FER: variants seen among roughly 807,000 people sequenced by gnomAD.
The protein encoded by FER is tyrosine-protein kinase Fer.
Under a neutral mutation model 111.0 loss-of-function variants are expected in FER, and 63 were observed. The observed-to-expected ratio is 0.57, with a 90% confidence interval of 0.46 to 0.70. The LOEUF is 0.70. Ranked by LOEUF, FER falls within the 30% of genes least tolerant of loss-of-function variation. The pLI is 0.00. For missense variants in FER, 914 were observed against 954.0 expected (o/e 0.96, Z 0.55); for synonymous variants, 327 against 313.9 (o/e 1.04, Z -0.44).
At chr5:109,016,850 T>C (rs77360802) in intron 13 of FER, among the ~76,000 whole-genome samples, 2,480 of 152,004 alleles carry the variant, frequency 0.016, 43 homozygotes, top group Middle Eastern at 0.024. Flanking sequence ...TTTTAGGAGG[T>C]AATTAAGGTT....
chr5:109,171,117 A>G (rs1757051293), intron 17 of FER, among the ~76,000 whole-genome samples: 2 of 152,308 alleles, frequency 1.3e-5, no homozygotes, highest in East Asian at 1.9e-4. Flanking sequence ...ACTTCAAAAC[A>G]TTGTCAAATT....
intron 17 of FER, among the ~76,000 whole-genome samples, chr5:109,136,191 G>A (rs1464888640): frequency 1.3e-5 from 2 of 152,072 alleles, no homozygotes; most frequent in East Asian, 1.9e-4. Flanking sequence ...TACTTGGGAG[G>A]CTGAGGTGGG....
chr5:108,891,431 A>G (rs1267487834), intron 9 of FER: 1 of 152,030 alleles, frequency 6.6e-6, no homozygotes, highest in Non-Finnish European at 1.5e-5. Flanking sequence ...AAAGAAGTCC[A>G]TTTTAGGCTG....
intron 4 of FER, among the ~76,000 whole-genome samples, chr5:108,834,103 T>C (rs1429669627): frequency 1.3e-5 from 2 of 152,192 alleles, no homozygotes; most frequent in South Asian, 2.1e-4. Flanking sequence ...GCCATTTATT[T>C]ATGGAAGAAA....
intron 2 of FER, among the ~76,000 whole-genome samples, chr5:108,794,668 G>A (rs1755812386): frequency 6.6e-6 from 1 of 151,938 alleles, no homozygotes; most frequent in African/African-American, 2.4e-5. Flanking sequence ...CTATTCTAGG[G>A]TAAACTTTTT....
chr5:108,871,311 G>A (rs539020157), intron 6 of FER, 54 bp from the exon 7 acceptor site: 191 of 1,431,716 alleles, frequency 1.3e-4, no homozygotes, highest in Non-Finnish European at 1.8e-4. Flanking sequence ...TTTTGAGATA[G>A]TATCTCTCTT....
At chr5:109,114,616 A>G (rs894890241) in intron 17 of FER, among the ~76,000 whole-genome samples, 3 of 151,780 alleles carry the variant, frequency 2.0e-5, no homozygotes, top group African/African-American at 7.3e-5. Context: ...CAACTACTCA[A>G]CTCTCCCATT....
intron 17 of FER, among the ~76,000 whole-genome samples, chr5:109,140,602 C>T (rs1753421079): frequency 6.6e-6 from 1 of 152,110 alleles, no homozygotes; most frequent in Non-Finnish European, 1.5e-5. Flanking sequence ...ATACAAAAGC[C>T]TGTTAAAATG....
At chr5:108,964,555 T>G (rs534840161) in intron 13 of FER, among the ~76,000 whole-genome samples, 6 of 152,284 alleles carry the variant, frequency 3.9e-5, no homozygotes, top group African/African-American at 9.6e-5. Context: ...GAGGTTAGTA[T>G]GGCTGAAGCA....
intron 1 of FER, among the ~76,000 whole-genome samples, chr5:108,750,042 G>C (rs3805601): frequency 0.23 from 35,525 of 151,934 alleles, 4,520 homozygotes; most frequent in African/African-American, 0.34. Flanking sequence ...TTTTAATTCA[G>C]AAGTTGCGTA....
chr5:109,013,753 G>T (rs1766643338), intron 13 of FER, among the ~76,000 whole-genome samples: 1 of 151,136 alleles, frequency 6.6e-6, no homozygotes, highest in Admixed American at 6.6e-5. Flanking sequence ...GTTGTTTCCT[G>T]ACTTTTTAAT....
chr5:108,798,514 C>G, intron 3 of FER, 125 bp downstream of exon 3: 2 of 806,032 alleles, frequency 2.5e-6, no homozygotes, highest in Non-Finnish European at 3.9e-6. Context: ...CACAGTTTTA[C>G]AGAGTATGAA....
intron 13 of FER, among the ~76,000 whole-genome samples, chr5:108,976,509 C>A (rs1467525106): frequency 6.6e-6 from 1 of 152,008 alleles, no homozygotes; most frequent in Non-Finnish European, 1.5e-5. Flanking sequence ...ATACAGTTGA[C>A]CCCCTGAACA....
intron 13 of FER, among the ~76,000 whole-genome samples, chr5:108,965,832 T>C (rs1198499820): frequency 6.6e-6 from 1 of 152,194 alleles, no homozygotes; most frequent in Non-Finnish European, 1.5e-5. Context: ...TAGCAGAGAC[T>C]ATAAGCGTGT....
At chr5:108,788,287 T>C (rs1322691680) in intron 2 of FER, among the ~76,000 whole-genome samples, 1 of 152,198 alleles carries the variant, frequency 6.6e-6, no homozygotes. Flanking sequence ...CAGCAGCTGG[T>C]GTGCCTGGCT....
chr5:108,953,785 G>A (rs1253566491), intron 11 of FER, among the ~76,000 whole-genome samples: 1 of 151,910 alleles, frequency 6.6e-6, no homozygotes. Flanking sequence ...ATGAGGCATT[G>A]TGCATATTGT....
intron 2 of FER, among the ~76,000 whole-genome samples, chr5:108,778,940 A>C (rs935733516): frequency 2.0e-5 from 3 of 150,594 alleles, no homozygotes; most frequent in Non-Finnish European, 4.4e-5. Context: ...TTACTTTTGC[A>C]TTTTACATTT....
chr5:108,898,883 C>T (rs554598739), intron 10 of FER, among the ~76,000 whole-genome samples: 102 of 151,920 alleles, frequency 6.7e-4, no homozygotes, highest in Middle Eastern at 6.8e-3. Context: ...AACAGCCCCT[C>T]CCTTCACACT....
At chr5:108,825,024 C>T (rs1191965964) in intron 3 of FER, among the ~76,000 whole-genome samples, 2 of 152,056 alleles carry the variant, frequency 1.3e-5, no homozygotes, top group Admixed American at 1.3e-4. Flanking sequence ...GTGTGGGTGA[C>T]AGACAAAAAG....
Sources: gnomAD v4.1 joint callset for allele counts (sites outside exome capture counted in the v4.1 genomes callset) on GRCh38, gnomAD v4.1.1 for gene constraint, MANE v1.5 for transcripts, NCBI Gene and HGNC (gene_info 2026-07-23, HGNC 2026-07-21) for gene names.